The following NUP160 variants were observed in gnomAD, a reference collection of about 807,000 sequenced individuals.
The protein encoded by NUP160 is nucleoporin 160.
NUP160 carries 94 observed loss-of-function variants against 196.9 expected under a neutral mutation model. That is an observed-to-expected ratio of 0.48 (90% CI 0.40 to 0.57). NUP160 has a LOEUF of 0.57. NUP160 is among the 20% of genes least tolerant of loss of function. The pLI, the probability that NUP160 is intolerant of heterozygous loss-of-function variation, is 0.00. For missense variants in NUP160, 1,638 were observed against 1,748.3 expected, an observed-to-expected ratio of 0.94 and a Z score of 1.13; for synonymous variants, 605 against 619.7, an observed-to-expected ratio of 0.98 and a Z score of 0.35.
chr11:47,831,398 T>G (rs1310594866), intron 7 of NUP160, among the ~76,000 whole-genome samples: 1 of 151,966 alleles, frequency 6.6e-6, no homozygotes, highest in East Asian at 1.9e-4. Context: ...TCATAATAGA[T>G]AAAGGGTAGA....
chr11:47,801,779 G>A (rs1347597075), intron 23 of NUP160, 32 bp downstream of exon 23: 1 of 1,599,540 alleles, frequency 6.3e-7, no homozygotes. Flanking sequence ...TTTACACAGG[G>A]TGGTATAAGG....
chr11:47,812,047 C>A lies in NUP160; in HGVS notation c.2241+17G>T. On this transcript the variant is annotated intron_variant, in intron 17 of 35. Coordinates refer to ENST00000378460, the Ensembl canonical transcript of NUP160. ...CAGGTTTTAGATTTTACAAGTTTTC[C>A]CTCAAGCAGTACTTACAGCATCTCC... The A allele has an allele frequency of 6.2e-7, 1 of 1,613,010 alleles. No homozygotes were observed. The highest frequency in any genetic ancestry group is 1.1e-5 in the South Asian group (1 of 90,968).
intron 1 of NUP160, 28 bp from the exon 2 acceptor site, chr11:47,847,987 C>T (rs755076921): frequency 1.2e-5 from 18 of 1,549,810 alleles, no homozygotes; most frequent in African/African-American, 1.4e-5. Context: ...TCAGCCTGCA[C>T]ACGCGTCTTC....
intron 34 of NUP160, among the ~76,000 whole-genome samples, chr11:47,780,708 TTA>T (rs1378679406): frequency 6.6e-6 from 1 of 151,880 alleles, no homozygotes; most frequent in African/African-American, 2.4e-5. Flanking sequence ...GCTAATTTTT[TTA>T]TGTTTATTTT....
chr11:47,788,575 A>C, exon 30 of NUP160: 1 of 1,614,062 alleles, frequency 6.2e-7, no homozygotes, highest in Non-Finnish European at 8.5e-7. Flanking sequence ...CTCTTTCTCC[A>C]GATCTTCCAG....
chr11:47,819,657 C>A (rs1450426108), intron 9 of NUP160, among the ~76,000 whole-genome samples, 199 bp from the exon 10 acceptor site: 1 of 152,026 alleles, frequency 6.6e-6, no homozygotes, highest in East Asian at 1.9e-4. Context: ...TACAAGTTTG[C>A]TTACCATGTT....
chr11:47,824,898 T>C (rs951851482), intron 7 of NUP160, among the ~76,000 whole-genome samples: 5 of 151,530 alleles, frequency 3.3e-5, no homozygotes, highest in African/African-American at 1.2e-4. Flanking sequence ...TGCAGTGGTG[T>C]GATCTCGGCT....
rs1279438348 is a variant in NUP160, at chr11:47,837,651, A to T, written c.749-28T>A. 7 of 1,583,042 alleles carry T rather than the reference A, an allele frequency of 4.4e-6. No homozygotes were observed. In the Admixed American group the frequency reaches 5.0e-5, roughly 11 times the overall value. ...GCAATGATATCCAAGGCACCTCTTG[A>T]ACACACTTAGAGAAACCCAAAGGCA... On this transcript the variant is annotated intron_variant, in intron 4 of 35. Coordinates refer to ENST00000378460, the Ensembl canonical transcript of NUP160.
intron 1 of NUP160, 77 bp from the exon 2 acceptor site, chr11:47,848,036 G>T: frequency 1.5e-6 from 2 of 1,324,840 alleles, no homozygotes; most frequent in Non-Finnish European, 2.2e-6. Flanking sequence ...ACAAAGCAGA[G>T]AGTGACAGAC....
At chr11:47,807,671 G>GAA (rs993553556) in intron 18 of NUP160, among the ~76,000 whole-genome samples, 1 of 137,902 alleles carries the variant, frequency 7.3e-6, no homozygotes, top group Non-Finnish European at 1.6e-5. Context: ...CCATCTCCAA[G>GAA]AAAAAAAAAA....
rs1489844131 is a variant in NUP160 at position 47,783,102 on chromosome 11, C to A, written c.4087G>T (p.Gly1363Ter). The change falls in exon 34 of 36, where the codon GGA (glycine) becomes TGA (stop). Residue 1363 changes from glycine (G) to a stop codon, truncating the protein, a stop_gained. Transcript: ENST00000378460. LOFTEE classifies it high-confidence loss of function. ...ATTCCGAAGTATTGATGTCCTTTTC[C>A]CAATACAGCATCCACATATTCTGAC... 6.2e-7 allele frequency: 1 copy of A among 1,613,824 alleles called. No individual in the cohort carries two copies. Among genetic ancestry groups the A allele is most frequent in the Non-Finnish European group, 8.5e-7 (1 of 1,179,896 alleles).
In NUP160 at chr11:47,783,230, C is replaced by T. The variant is rs750051299; in HGVS notation, c.3991-32G>A. The T allele has an allele frequency of 6.9e-6, 11 of 1,604,876 alleles. No individual in the cohort carries two copies. In the South Asian group the frequency reaches 8.9e-5, roughly 13 times the overall value. ...AAAGTCAGTGATTAAGAATATGTACCTATTTCCCTCCTACTTGAGTACTGA... is the reference window on the plus strand; with the variant it reads ...AAAGTCAGTGATTAAGAATATGTACTTATTTCCCTCCTACTTGAGTACTGA... On this transcript the variant is annotated intron_variant, in intron 33 of 35. Coordinates refer to ENST00000378460, the Ensembl canonical transcript of NUP160.
chr11:47,811,206 T>C (rs918057069), intron 17 of NUP160, among the ~76,000 whole-genome samples: 3 of 152,078 alleles, frequency 2.0e-5, no homozygotes, highest in African/African-American at 7.2e-5. Flanking sequence ...AGGGTAAGCC[T>C]TGCACTGTAG....
At chr11:47,812,164 T>C in exon 17 of NUP160, 1 of 1,614,080 alleles carries the variant, frequency 6.2e-7, no homozygotes, top group Non-Finnish European at 8.5e-7. Context: ...GCACACAATA[T>C]ACCCTGCTGT....
At chr11:47,846,017 T>C (rs1467914379) in intron 2 of NUP160, among the ~76,000 whole-genome samples, 2 of 151,996 alleles carry the variant, frequency 1.3e-5, no homozygotes. Context: ...ATACTTGTAA[T>C]TCCAGCTACT....
intron 17 of NUP160, among the ~76,000 whole-genome samples, chr11:47,811,519 AAG>A (rs527713349): frequency 2.0e-5 from 3 of 152,130 alleles, no homozygotes; most frequent in Non-Finnish European, 4.4e-5. Context: ...AGGAAAAAAA[AAG>A]AGTTTTCTTT....
intron 27 of NUP160, among the ~76,000 whole-genome samples, chr11:47,794,971 G>T (rs2097670033): frequency 6.6e-6 from 1 of 151,634 alleles, no homozygotes; most frequent in Non-Finnish European, 1.5e-5. Context: ...CATGGTGGTA[G>T]GTGCCTGTAA....
intron 34 of NUP160, among the ~76,000 whole-genome samples, chr11:47,782,333 T>A (rs1240801480): frequency 0.042 from 2,997 of 70,780 alleles, 340 homozygotes; most frequent in Middle Eastern, 0.067. Context: ...TATATATATA[T>A]ATATATATAT....
chr11:47,835,547 T>A (rs753395202), intron 7 of NUP160, 104 bp downstream of exon 7: 11 of 919,368 alleles, frequency 1.2e-5, no homozygotes, highest in Non-Finnish European at 1.7e-5. Flanking sequence ...CAGAAACACA[T>A]CTAGGTCGGT....
Sources: gnomAD v4.1 joint callset for allele counts (sites outside exome capture counted in the v4.1 genomes callset) on GRCh38, gnomAD v4.1.1 for gene constraint, MANE v1.5 for transcripts, NCBI Gene and HGNC (gene_info 2026-07-23, HGNC 2026-07-21) for gene names.